NLK: variants seen among roughly 807,000 people sequenced by gnomAD.
The protein encoded by NLK is serine/threonine-protein kinase NLK.
Under a neutral mutation model 59.0 loss-of-function variants are expected in NLK, and 11 were observed. The ratio of observed to expected loss-of-function variants is 0.19; its 90% CI spans 0.12 to 0.31. The LOEUF is 0.31. NLK is among the 10% of genes least tolerant of loss of function. NLK has a pLI of 1.00. For missense variants in NLK, 410 were observed against 661.1 expected (o/e 0.62, Z 4.16); for synonymous variants, 235 against 235.9 (o/e 1.00, Z 0.03).
intron 3 of NLK, among the ~76,000 whole-genome samples, chr17:28,140,768 C>A (rs1284409750): frequency 6.6e-6 from 1 of 151,606 alleles, no homozygotes; most frequent in African/African-American, 2.4e-5. Flanking sequence ...AAAAAACCTG[C>A]CCTGGACTCC....
chr17:28,196,583 G>T (rs1315509769), downstream of NLK, among the ~76,000 whole-genome samples: 1 of 152,190 alleles, frequency 6.6e-6, no homozygotes, highest in Non-Finnish European at 1.5e-5. Context: ...CAATATCAAA[G>T]ATGTGATTTA....
chr17:28,065,244 T>C (rs1026760933), intron 1 of NLK, among the ~76,000 whole-genome samples: 9 of 152,096 alleles, frequency 5.9e-5, no homozygotes, highest in Non-Finnish European at 1.0e-4. Flanking sequence ...CCCCCTGCAG[T>C]TGGCAGTGTA....
intron 1 of NLK, among the ~76,000 whole-genome samples, chr17:28,104,577 T>C (rs1014887032): frequency 1.3e-5 from 2 of 152,108 alleles, no homozygotes; most frequent in Admixed American, 6.5e-5. Flanking sequence ...TTTTATTGGA[T>C]GTTGTAAGTG....
chr17:28,120,385 A>G (rs1037450904), intron 1 of NLK, among the ~76,000 whole-genome samples: 1 of 151,922 alleles, frequency 6.6e-6, no homozygotes, highest in Admixed American at 6.6e-5. Context: ...TGGGTTTAAC[A>G]GGTGTGAGCC....
chr17:28,074,794 A>G (rs1185530774), intron 1 of NLK, among the ~76,000 whole-genome samples: 1 of 152,126 alleles, frequency 6.6e-6, no homozygotes, highest in Non-Finnish European at 1.5e-5. Context: ...GAGAGCAAAA[A>G]CAGGTGAGGA....
intron 3 of NLK, among the ~76,000 whole-genome samples, chr17:28,133,629 C>G (rs2142022806): frequency 6.6e-6 from 1 of 152,248 alleles, no homozygotes; most frequent in South Asian, 2.1e-4. Context: ...AAAGTGTCAC[C>G]AGTTTCCATT....
At chr17:28,066,656 TTA>T (rs1194943386) in intron 1 of NLK, among the ~76,000 whole-genome samples, 1 of 152,216 alleles carries the variant, frequency 6.6e-6, no homozygotes, top group Non-Finnish European at 1.5e-5. Flanking sequence ...CTGGTTCAAA[TTA>T]TATGTTCAAG....
intron 1 of NLK, among the ~76,000 whole-genome samples, chr17:28,095,524 A>G (rs1904670401): frequency 6.6e-6 from 1 of 152,228 alleles, no homozygotes; most frequent in Admixed American, 6.5e-5. Context: ...TCTAGAGGCA[A>G]GGATTCTACT....
At position 28,194,758 on chromosome 17, in the gene NLK, A is replaced by G. The variant is rs1431697040; in HGVS notation, c.*122A>G. The G allele has an allele frequency of 7.8e-6, 4 of 515,456 alleles. No homozygotes were observed. The highest frequency in any genetic ancestry group is 1.4e-5 in the Non-Finnish European group (4 of 285,746). 31.9% of individuals were successfully genotyped at this position (515,456 alleles called of 1,614,324 possible). Reference sequence around the variant, plus strand: ...TTACTAATGAAGTTTTAAATTAACAACCACTACTTGTATGATATGAATAAT... The same window carrying G: ...TTACTAATGAAGTTTTAAATTAACAGCCACTACTTGTATGATATGAATAAT... On this transcript the variant is annotated 3_prime_UTR_variant, in exon 11 of 11. Transcript: ENST00000407008.
At chr17:28,073,279 CTT>C (rs1379017308) in intron 1 of NLK, among the ~76,000 whole-genome samples, 1 of 152,116 alleles carries the variant, frequency 6.6e-6, no homozygotes, top group Non-Finnish European at 1.5e-5. Context: ...AGGATGCAGA[CTT>C]TTGGGAGGCT....
Position 28,042,967 on chromosome 17 carries a change from C to T in NLK, c.94C>T (p.His32Tyr). 1.3e-6 allele frequency: 2 copies of T among 1,555,596 alleles called. No individual in the cohort carries two copies. The highest frequency in any genetic ancestry group is 1.7e-6 in the Non-Finnish European group (2 of 1,149,316). The part of the protein sequence containing the change: ...AAAAGHHHHH[H>Y]HHLPHLPPPH... ...AGCAGCAGGTCACCACCACCACCAT[C>T]ACCACCACCTTCCACACCTCCCTCC... Residue 32 changes from histidine to tyrosine, a missense_variant, in exon 1 of 11, where the codon CAC (histidine) becomes TAC (tyrosine). Transcript: ENST00000407008.
intron 1 of NLK, among the ~76,000 whole-genome samples, chr17:28,086,106 A>G (rs1320163659): frequency 6.6e-6 from 1 of 152,206 alleles, no homozygotes; most frequent in Non-Finnish European, 1.5e-5. Flanking sequence ...AAAGGTAACT[A>G]TAGTTTTTTT....
intron 8 of NLK, 127 bp downstream of exon 8, chr17:28,185,392 A>G: frequency 3.3e-6 from 2 of 601,938 alleles, no homozygotes. Context: ...TTCAATCCCC[A>G]GTATCATGTG....
intron 1 of NLK, among the ~76,000 whole-genome samples, chr17:28,102,447 G>A (rs1425590490): frequency 1.3e-5 from 2 of 151,920 alleles, no homozygotes; most frequent in Non-Finnish European, 2.9e-5. Flanking sequence ...TCAGGAGATC[G>A]AGACTATCCT....
intron 1 of NLK, among the ~76,000 whole-genome samples, chr17:28,114,555 T>C (rs1356888716): frequency 6.6e-6 from 1 of 152,236 alleles, no homozygotes; most frequent in African/African-American, 2.4e-5. Flanking sequence ...TTCTTGATTT[T>C]AAGGTAGTCA....
intron 1 of NLK, among the ~76,000 whole-genome samples, chr17:28,089,354 C>G (rs1904398516): frequency 6.6e-6 from 1 of 152,078 alleles, no homozygotes; most frequent in Non-Finnish European, 1.5e-5. Context: ...TGGCTTCTTT[C>G]ACGCAGCTTA....
intron 1 of NLK, among the ~76,000 whole-genome samples, chr17:28,091,502 T>C (rs542117322): frequency 1.5e-4 from 22 of 151,324 alleles, no homozygotes; most frequent in African/African-American, 5.3e-4. Context: ...CACACACACA[T>C]ATATAAAATC....
At chr17:28,059,309 T>C (rs1909550979) in intron 1 of NLK, among the ~76,000 whole-genome samples, 1 of 152,132 alleles carries the variant, frequency 6.6e-6, no homozygotes, top group Non-Finnish European at 1.5e-5. Flanking sequence ...TTATTTTTTT[T>C]TAAGAGTGAG....
At chr17:28,085,128 A>G (rs930284773) in intron 1 of NLK, among the ~76,000 whole-genome samples, 11 of 152,318 alleles carry the variant, frequency 7.2e-5, no homozygotes, top group Middle Eastern at 6.8e-3. Context: ...GGAACAGTCT[A>G]TCTTTATTTC....
Sources: gnomAD v4.1 joint callset for allele counts (sites outside exome capture counted in the v4.1 genomes callset) on GRCh38, gnomAD v4.1.1 for gene constraint, MANE v1.5 for transcripts, NCBI Gene and HGNC (gene_info 2026-07-23, HGNC 2026-07-21) for gene names.